SNPH: variants seen among roughly 807,000 people sequenced by gnomAD.
SNPH encodes the protein syntaphilin.
In SNPH, 10 loss-of-function variants were observed where a neutral mutation model predicts 36.8. The ratio of observed to expected loss-of-function variants is 0.27; its 90% CI spans 0.17 to 0.46. The LOEUF (loss-of-function observed/expected upper bound fraction) is 0.46. Among genes scored for constraint, SNPH ranks in the 20% least tolerant of loss-of-function variants. The pLI, the probability that SNPH is intolerant of heterozygous loss-of-function variation, is 1.00. For synonymous variants in SNPH, 281 were observed against 312.2 expected (o/e 0.90, Z 1.05); for missense variants, 622 against 744.0 (o/e 0.84, Z 1.91).
In SNPH at chr20:1,294,829, T is replaced by A. The variant is rs1417126422; in HGVS notation, c.-492-122T>A. 5.3e-5 allele frequency: 8 copies of A among 152,348 alleles called. No individual in the cohort carries two copies. The allele number at this position is 152,348 out of a possible 1,614,324, so 9.4% of individuals were successfully genotyped here. A position where few individuals can be genotyped will look rare whatever the true frequency, so the allele number is the denominator to read the frequency against. On this transcript the variant is annotated intron_variant, in intron 2 of 6. Coordinates refer to ENST00000381867, the MANE Select transcript of SNPH (RefSeq NM_001318234.2). The surrounding 1 kb of genome is among the most constrained non-coding windows in gnomAD (Gnocchi z 4.4). ...AGATCCAGCCCCTCAGCATCTGATG[T>A]TGACCTGGTTTCGATATTGGCTCTG...
chr20:1,289,501 G>A (rs1015166165), intron 2 of SNPH, among the ~76,000 whole-genome samples: 5 of 139,960 alleles, frequency 3.6e-5, no homozygotes, highest in African/African-American at 1.4e-4. Flanking sequence ...TAATGCAACG[G>A]TTCATTTAAA....
chr20:1,277,795 GTGCCTGTGTGTGTC>G, intron 2 of SNPH, among the ~76,000 whole-genome samples: 1 of 136,934 alleles, frequency 7.3e-6, no homozygotes, highest in Non-Finnish European at 1.6e-5. Flanking sequence ...CTGTGTATGT[GTGCCTGTGTGTGTC>G]TGTGCCTGTG....
In SNPH at chr20:1,277,681, CAT is replaced by C. The variant is rs544222484; in HGVS notation, c.-493+10922_-493+10923del. On this transcript the variant is annotated intron_variant, in intron 2 of 6. Coordinates refer to ENST00000381867, the MANE Select transcript of SNPH (RefSeq NM_001318234.2). ...GTATCTGTGTGTGTCCGTGTGTGTCCATGTGTGTGCCTGTGTGTCTGTCTGTG... is the reference window on the plus strand; with the variant it reads ...GTATCTGTGTGTGTCCGTGTGTGTCCGTGTGTGCCTGTGTGTCTGTCTGTG... Among the ~76,000 whole-genome samples the C allele has an allele frequency of 4.8e-3, 369 of 76,736 alleles. 3 individuals carry two copies. Among genetic ancestry groups the C allele is most frequent in the African/African-American group, 0.019 (357 of 18,784 alleles). 50.3% of individuals were successfully genotyped at this position (76,736 alleles called of 152,430 possible).
chr20:1,277,670 C>CAG (rs2088154236), intron 2 of SNPH, among the ~76,000 whole-genome samples: 1 of 74,064 alleles, frequency 1.4e-5, no homozygotes, highest in African/African-American at 5.5e-5. Flanking sequence ...CTGTGTGTGT[C>CAG]CGTGTGTGTC....
In SNPH at chr20:1,295,984, G is replaced by A; in HGVS notation, c.-256G>A. The A allele has an allele frequency of 2.2e-6, 1 of 455,736 alleles. No individual in the cohort carries two copies. Among genetic ancestry groups the A allele is most frequent in the Non-Finnish European group, 3.8e-6 (1 of 262,268 alleles). 28.2% of individuals were successfully genotyped at this position (455,736 alleles called of 1,614,324 possible). ...CCTGGCTCGTAGAGTAGAAGACTCG[G>A]TGCCGGCAGTCAGGAGGCCCTGCTC... On this transcript the variant is annotated 5_prime_UTR_variant, in exon 4 of 7. The change creates a new upstream start codon in the 5' untranslated region. Coordinates refer to ENST00000381867, the MANE Select transcript of SNPH (RefSeq NM_001318234.2).
At position 1,305,611 on chromosome 20, in the gene SNPH, T is replaced by A; in HGVS notation, c.1174T>A (p.Cys392Ser). The A allele has an allele frequency of 1.9e-6, 3 of 1,613,534 alleles. No individual in the cohort carries two copies. The highest frequency in any genetic ancestry group is 2.5e-6 in the Non-Finnish European group (3 of 1,180,024). ...GACAGACCCTGAGTCAGGGGACAGGTGCCCAGAGCTGGATGCCCACCCTTC... is the reference window on the plus strand; with the variant it reads ...GACAGACCCTGAGTCAGGGGACAGGAGCCCAGAGCTGGATGCCCACCCTTC... ...CGTDPESGDR[C>S]PELDAHPSGP... Residue 392 changes from cysteine to serine, a missense_variant, in exon 7 of 7, where the codon TGC (cysteine) becomes AGC (serine). By Grantham distance (112) the Cys-to-Ser change is moderately radical. Around this residue, in one of 3 missense-constraint regions of SNPH, gnomAD observed 379 missense variants for 427.9 expected, o/e 0.89. Coordinates refer to ENST00000381867, the MANE Select transcript of SNPH (RefSeq NM_001318234.2).
In SNPH at chr20:1,285,961, G is replaced by A. The variant is rs1297130245; in HGVS notation, c.-492-8990G>A. On this transcript the variant is annotated intron_variant, in intron 2 of 6. Coordinates refer to ENST00000381867, the MANE Select transcript of SNPH (RefSeq NM_001318234.2). This position sits in a 1 kb window ranked among gnomAD's most constrained non-coding sequence, Gnocchi z 4.9. ...AATACAAAAATTAGCCAGGGGTGGT[G>A]GCAGGCACCTGTAGTCCCAGCTACT... 3.3e-5 allele frequency among the ~76,000 whole-genome samples: 5 copies of A among 151,994 alleles called. No homozygotes were observed. Among genetic ancestry groups the A allele is most frequent in the Non-Finnish European group, 7.4e-5 (5 of 68,000 alleles).
intron 2 of SNPH, among the ~76,000 whole-genome samples, chr20:1,277,282 G>A (rs2088143208): frequency 6.6e-6 from 1 of 152,196 alleles, no homozygotes; most frequent in Non-Finnish European, 1.5e-5. Context: ...AAGCTTTGGT[G>A]TCCCTATCAG....
rs749125465 is a variant in SNPH at position 1,304,183 on chromosome 20, A to G, written c.441-695A>G. 4.6e-5 allele frequency among the ~76,000 whole-genome samples: 7 copies of G among 152,060 alleles called. No individual in the cohort carries two copies. The highest frequency in any genetic ancestry group is 1.0e-4 in the Non-Finnish European group (7 of 68,024). On this transcript the variant is annotated intron_variant, in intron 6 of 6. Coordinates refer to ENST00000381867, the MANE Select transcript of SNPH (RefSeq NM_001318234.2). The surrounding 1 kb of genome is among the most constrained non-coding windows in gnomAD (Gnocchi z 4.3). ...TTGATCTTTTCAGCTTTTCCTCTTT[A>G]AGATACAAGATACAAGGAGATACAA...
intron 2 of SNPH, among the ~76,000 whole-genome samples, chr20:1,290,322 A>G (rs1045706913): frequency 5.9e-5 from 9 of 152,204 alleles, no homozygotes; most frequent in Admixed American, 5.9e-4. Context: ...TTATCTTCCC[A>G]AAAAAGAAAC....
At chr20:1,267,126 G>T (rs2088016100) in intron 2 of SNPH, among the ~76,000 whole-genome samples, 1 of 152,022 alleles carries the variant, frequency 6.6e-6, no homozygotes, top group Non-Finnish European at 1.5e-5. Flanking sequence ...CCTGGGGGTG[G>T]GAGAAGGATG....
intron 2 of SNPH, among the ~76,000 whole-genome samples, chr20:1,277,229 G>T (rs2088142812): frequency 1.3e-5 from 2 of 152,172 alleles, no homozygotes; most frequent in South Asian, 4.1e-4. Context: ...GCACAAACCA[G>T]GTACACAGAA....
At chr20:1,292,372 G>T (rs1015735909) in intron 2 of SNPH, among the ~76,000 whole-genome samples, 2 of 152,196 alleles carry the variant, frequency 1.3e-5, no homozygotes, top group Non-Finnish European at 2.9e-5. Flanking sequence ...AGAGCCAGTT[G>T]GAAAGGTTGT....
At chr20:1,280,977 GA>G (rs1190479062) in intron 2 of SNPH, among the ~76,000 whole-genome samples, 2 of 152,176 alleles carry the variant, frequency 1.3e-5, no homozygotes, top group Admixed American at 1.3e-4. Flanking sequence ...TCACAGGCCA[GA>G]ACTGTCTCTG....
intron 2 of SNPH, among the ~76,000 whole-genome samples, chr20:1,287,439 G>A (rs1189562075): frequency 6.6e-6 from 1 of 152,096 alleles, no homozygotes; most frequent in East Asian, 1.9e-4. Context: ...TGAGGGCAAG[G>A]GTTGTGGTAC....
intron 2 of SNPH, among the ~76,000 whole-genome samples, chr20:1,281,181 A>G (rs149589358): frequency 1.4e-3 from 210 of 152,114 alleles, no homozygotes; most frequent in African/African-American, 4.2e-3. Flanking sequence ...TCTTCTGGGG[A>G]CCCTCAAGAG....
intron 2 of SNPH, among the ~76,000 whole-genome samples, chr20:1,269,683 GGA>G (rs572125871): frequency 1.2e-4 from 18 of 152,210 alleles, no homozygotes; most frequent in East Asian, 1.9e-4. Context: ...AACCAGGAAT[GGA>G]GAGTTTTCCT....
intron 6 of SNPH, among the ~76,000 whole-genome samples, chr20:1,302,953 G>C (rs1250370563): frequency 6.6e-6 from 1 of 152,250 alleles, no homozygotes; most frequent in Non-Finnish European, 1.5e-5. Context: ...CCATCTCCCA[G>C]CTTCATTTCT....
intron 2 of SNPH, among the ~76,000 whole-genome samples, chr20:1,289,561 G>A (rs11905792): frequency 0.25 from 36,708 of 148,744 alleles, 4,939 homozygotes; most frequent in Non-Finnish European, 0.31. Context: ...ACACACAATG[G>A]AGTCAGGGGC....
Sources: gnomAD v4.1 joint callset for allele counts (sites outside exome capture counted in the v4.1 genomes callset) on GRCh38, gnomAD v4.1.1 for gene constraint, gnomAD v4.1.1 regional missense constraint, Gnocchi (gnomAD v3.1) non-coding constraint, MANE v1.5 for transcripts, NCBI Gene and HGNC (gene_info 2026-07-23, HGNC 2026-07-21) for gene names.